FBN2: variants seen among roughly 807,000 people sequenced by gnomAD.
FBN2 encodes fibrillin-2.
A neutral mutation model predicts 355.6 loss-of-function variants in FBN2; 105 were observed. The ratio of observed to expected loss-of-function variants is 0.30; its 90% CI spans 0.25 to 0.35. The LOEUF is 0.35. Ranked by LOEUF, FBN2 falls within the 10% of genes least tolerant of loss-of-function variation. The pLI is 1.00. For synonymous variants in FBN2, 1,350 were observed against 1,301.2 expected, an observed-to-expected ratio of 1.04 and a Z score of -0.81; for missense variants, 3,280 against 3,758.7, an observed-to-expected ratio of 0.87 and a Z score of 3.33.
intron 8 of FBN2, among the ~76,000 whole-genome samples, chr5:128,398,468 T>C (rs944933556): frequency 6.6e-6 from 1 of 151,610 alleles, no homozygotes; most frequent in East Asian, 1.9e-4. Context: ...AAACAATGAA[T>C]AGGAACAGAC....
At chr5:128,374,955 A>G (rs564395508) in intron 14 of FBN2, among the ~76,000 whole-genome samples, 3 of 152,206 alleles carry the variant, frequency 2.0e-5, no homozygotes, top group South Asian at 2.1e-4. Flanking sequence ...CCTACTGAGG[A>G]AAAAAAAGCC....
chr5:128,367,015 T>C (rs957994831), intron 16 of FBN2, among the ~76,000 whole-genome samples: 1 of 152,194 alleles, frequency 6.6e-6, no homozygotes, highest in Non-Finnish European at 1.5e-5. Context: ...TCCCATTTAA[T>C]AGGCCATTTA....
intron 7 of FBN2, among the ~76,000 whole-genome samples, chr5:128,433,958 A>T (rs1407324033): frequency 4.6e-5 from 7 of 152,104 alleles, no homozygotes; most frequent in Non-Finnish European, 8.8e-5. Flanking sequence ...CTATAACTAA[A>T]TTTGTTTATT....
intron 55 of FBN2, among the ~76,000 whole-genome samples, chr5:128,284,614 T>G (rs566576231): frequency 2.5e-4 from 38 of 152,330 alleles, no homozygotes; most frequent in Middle Eastern, 3.4e-3. Flanking sequence ...GTTTGTTGTA[T>G]GAACATCCTC....
intron 7 of FBN2, among the ~76,000 whole-genome samples, chr5:128,420,205 C>G (rs955889509): frequency 6.6e-6 from 1 of 152,058 alleles, no homozygotes; most frequent in African/African-American, 2.4e-5. Context: ...CCTTGTCCTC[C>G]CATTCCATGT....
rs190509694 is a variant in FBN2 at position 128,536,114 on chromosome 5, C to T, written c.337+288G>A. ...AGTTATCTAGATAATTGCTCTACTC[C>T]TCCCCTCTTCCAATTTGTATTAATA... On this transcript the variant is annotated intron_variant, in intron 2 of 64. Transcript: ENST00000262464. Among the ~76,000 whole-genome samples, 401 of 152,248 alleles carry T rather than the reference C, an allele frequency of 2.6e-3. 3 individuals are homozygous for T. Among genetic ancestry groups the T allele is most frequent in the African/African-American group, 8.9e-3 (371 of 41,536 alleles).
At chr5:128,304,001 G>A (rs1749793130) in intron 45 of FBN2, among the ~76,000 whole-genome samples, 1 of 152,100 alleles carries the variant, frequency 6.6e-6, no homozygotes, top group South Asian at 2.1e-4. Context: ...CCAAAGGGAG[G>A]GCTTTAGGAG....
At position 128,309,176 on chromosome 5, in the gene FBN2, T is replaced by G. The variant is rs1250781845; in HGVS notation, c.5353+71A>C. ...CTCTAGTTTTAGCATGCAGTGACTT[T>G]GACTATACTGTTAGATATATGCGTG... On this transcript the variant is annotated intron_variant, in intron 41 of 64. Coordinates refer to ENST00000262464, the MANE Select transcript of FBN2 (RefSeq NM_001999.4). 7.8e-6 allele frequency: 12 copies of G among 1,529,934 alleles called. No homozygotes were observed. In the Admixed American group the frequency reaches 1.5e-4, roughly 19 times the overall value. 94.8% of individuals were successfully genotyped at this position (1,529,934 alleles called of 1,614,324 possible). A position where few individuals can be genotyped will look rare whatever the true frequency, so the allele number is the denominator to read the frequency against.
intron 16 of FBN2, among the ~76,000 whole-genome samples, chr5:128,367,733 C>A (rs1751810560): frequency 6.6e-6 from 1 of 152,002 alleles, no homozygotes; most frequent in Admixed American, 6.6e-5. Flanking sequence ...AATTCCTATT[C>A]ATATTCAGGT....
chr5:128,493,829 T>C (rs74582270), intron 5 of FBN2, among the ~76,000 whole-genome samples: 16,047 of 151,890 alleles, frequency 0.11, 1,017 homozygotes, highest in African/African-American at 0.18. Flanking sequence ...AATAACAAGA[T>C]TTGGTGACAG....
intron 17 of FBN2, among the ~76,000 whole-genome samples, chr5:128,365,832 T>C (rs995570165): frequency 2.6e-5 from 4 of 151,736 alleles, no homozygotes; most frequent in Middle Eastern, 3.6e-3. Flanking sequence ...CAAGATTCTA[T>C]ATTGGAATTT....
At chr5:128,377,990 A>C (rs1031381405) in intron 12 of FBN2, 113 bp from the exon 13 acceptor site, 3 of 1,082,852 alleles carry the variant, frequency 2.8e-6, no homozygotes, top group East Asian at 5.1e-5. Context: ...TCTTTAGCAA[A>C]ATTTCTGTCT....
intron 18 of FBN2, among the ~76,000 whole-genome samples, chr5:128,363,720 A>T (rs1437137593): frequency 6.6e-6 from 1 of 152,192 alleles, no homozygotes; most frequent in Non-Finnish European, 1.5e-5. Context: ...GGAGAATAAA[A>T]ACTAGCATGG....
chr5:128,433,304 T>C (rs546357856), intron 7 of FBN2, among the ~76,000 whole-genome samples: 1 of 152,256 alleles, frequency 6.6e-6, no homozygotes, highest in African/African-American at 2.4e-5. Flanking sequence ...TTGGAAAATA[T>C]TGGTCAACAT....
chr5:128,387,305 AAT>A (rs1752392760), intron 11 of FBN2, among the ~76,000 whole-genome samples: 1 of 151,914 alleles, frequency 6.6e-6, no homozygotes, highest in African/African-American at 2.4e-5. Flanking sequence ...GGTTGTTGGT[AAT>A]GTCTCCTTTA....
intron 55 of FBN2, among the ~76,000 whole-genome samples, chr5:128,285,412 A>G (rs1445658481): frequency 6.6e-6 from 1 of 152,220 alleles, no homozygotes; most frequent in Non-Finnish European, 1.5e-5. Context: ...CAGACATTTC[A>G]GCTATCAGCA....
chr5:128,480,852 T>C (rs1755164512), intron 5 of FBN2, among the ~76,000 whole-genome samples: 1 of 152,184 alleles, frequency 6.6e-6, no homozygotes, highest in African/African-American at 2.4e-5. Flanking sequence ...TTTCATTATG[T>C]CATGACAGTG....
chr5:128,302,861 T>C lies in FBN2; in HGVS notation c.5917+112A>G, dbSNP rs28763937. 0.051 allele frequency: 38,424 copies of C among 752,274 alleles called. 1,217 individuals carry two copies. Among genetic ancestry groups the C allele is most frequent in the East Asian group, 0.069 (2,755 of 39,664 alleles). The allele number at this position is 752,274 out of a possible 1,614,324, so 46.6% of individuals were successfully genotyped here. A position where few individuals can be genotyped will look rare whatever the true frequency, so the allele number is the denominator to read the frequency against. The stretch of plus-strand genomic sequence containing the variant: ...ATGAAATTATATATCTTTTGGCACA[T>C]ATTTGCAATTTTAGTAATATAATTT... On this transcript the variant is annotated intron_variant, in intron 46 of 64. Coordinates refer to ENST00000262464, the MANE Select transcript of FBN2 (RefSeq NM_001999.4).
At chr5:128,289,678 T>C (rs1167477584) in intron 51 of FBN2, among the ~76,000 whole-genome samples, 1 of 152,178 alleles carries the variant, frequency 6.6e-6, no homozygotes, top group Non-Finnish European at 1.5e-5. Context: ...ACTTCTTTTG[T>C]CAGAGAAATA....
Sources: allele counts gnomAD v4.1 joint callset (sites outside exome capture counted in the v4.1 genomes callset), GRCh38; gene constraint gnomAD v4.1.1; transcripts MANE v1.5; gene names NCBI Gene and HGNC (gene_info 2026-07-23, HGNC 2026-07-21).